DLG2: variants seen among roughly 807,000 people sequenced by gnomAD.
The protein encoded by DLG2 is discs large MAGUK scaffold protein 2, also known as disks large homolog 2.
Under a neutral mutation model 132.5 loss-of-function variants are expected in DLG2, and 45 were observed. The ratio of observed to expected loss-of-function variants is 0.34; its 90% CI spans 0.27 to 0.44. DLG2 has a LOEUF of 0.44. Ranked by LOEUF, DLG2 falls within the 20% of genes least tolerant of loss-of-function variation. DLG2 has a pLI of 1.00. For missense variants in DLG2, 1,045 were observed against 1,196.9 expected (o/e 0.87, Z 1.87); for synonymous variants, 424 against 419.6 (o/e 1.01, Z -0.13).
At chr11:85,571,709 G>A (rs1468414492) in intron 3 of DLG2, among the ~76,000 whole-genome samples, 16 of 152,156 alleles carry the variant, frequency 1.1e-4, no homozygotes, top group Admixed American at 1.0e-3. Context: ...TTATTACGCA[G>A]CTTCTTCCCA....
At chr11:84,670,430 G>C (rs1365643082) in intron 6 of DLG2, among the ~76,000 whole-genome samples, 1 of 152,060 alleles carries the variant, frequency 6.6e-6, no homozygotes, top group African/African-American at 2.4e-5. Flanking sequence ...GTGATATGTT[G>C]CCTCTGCCCA....
chr11:84,518,831 G>C (rs1052702547), intron 7 of DLG2, among the ~76,000 whole-genome samples: 6 of 152,098 alleles, frequency 3.9e-5, no homozygotes, highest in African/African-American at 1.4e-4. Context: ...AGTAGCTCTG[G>C]ATCCAAATCA....
At chr11:83,944,709 C>T (rs1345819458) in intron 14 of DLG2, among the ~76,000 whole-genome samples, 1 of 152,186 alleles carries the variant, frequency 6.6e-6, no homozygotes, top group African/African-American at 2.4e-5. Flanking sequence ...ATTCCAATCA[C>T]AGCTTAGATA....
Position 85,143,900 on chromosome 11 carries a change from G to A in DLG2, c.282+10656C>T, listed in dbSNP as rs186617196. On this transcript the variant is annotated intron_variant, in intron 5 of 27. Transcript: ENST00000376104. ...TGCTGAAAGAAAGAATGTGCATTCTGCAGCTTTTGGATAAAATGTTCTATA... is the reference window on the plus strand; with the variant it reads ...TGCTGAAAGAAAGAATGTGCATTCTACAGCTTTTGGATAAAATGTTCTATA... 4.1e-3 allele frequency among the ~76,000 whole-genome samples: 630 copies of A among 151,934 alleles called. 17 individuals carry two copies. The highest frequency in any genetic ancestry group is 2.1e-3 in the East Asian group (11 of 5,188).
chr11:83,735,904 G>A (rs1239611067), intron 18 of DLG2, among the ~76,000 whole-genome samples: 1 of 152,186 alleles, frequency 6.6e-6, no homozygotes, highest in African/African-American at 2.4e-5. Flanking sequence ...GAAAATTCCA[G>A]TCTCCAGATT....
At chr11:85,207,327 T>C (rs561765498) in intron 4 of DLG2, among the ~76,000 whole-genome samples, 14 of 152,300 alleles carry the variant, frequency 9.2e-5, no homozygotes, top group Admixed American at 9.2e-4. Flanking sequence ...CAGCCTACCT[T>C]CCAGGTATTT....
intron 7 of DLG2, among the ~76,000 whole-genome samples, chr11:84,527,446 A>G (rs1361876925): frequency 1.3e-5 from 2 of 152,124 alleles, no homozygotes; most frequent in African/African-American, 4.8e-5. Context: ...TGCATTGCCT[A>G]CAGATTCTCA....
intron 19 of DLG2, among the ~76,000 whole-genome samples, chr11:83,628,948 A>G (rs2063098405): frequency 6.6e-6 from 1 of 152,204 alleles, no homozygotes; most frequent in South Asian, 2.1e-4. Context: ...AAGTGTTATT[A>G]CTATTTAACA....
At chr11:85,039,471 A>T (rs626275) in intron 6 of DLG2, among the ~76,000 whole-genome samples, 1 of 152,054 alleles carries the variant, frequency 6.6e-6, no homozygotes, top group Middle Eastern at 3.4e-3. Flanking sequence ...CCCTAGTTGT[A>T]TAAGCTTAAG....
intron 7 of DLG2, among the ~76,000 whole-genome samples, chr11:84,500,233 G>C (rs904073654): frequency 6.6e-6 from 1 of 151,916 alleles, no homozygotes; most frequent in African/African-American, 2.4e-5. Context: ...TCTCCTGTGA[G>C]CTCAATTCTC....
At chr11:84,186,110 C>T (rs1013705565) in intron 8 of DLG2, among the ~76,000 whole-genome samples, 5 of 152,128 alleles carry the variant, frequency 3.3e-5, no homozygotes, top group South Asian at 2.1e-4. Context: ...TTGCCTTTCG[C>T]TTTTCAGCAT....
intron 7 of DLG2, among the ~76,000 whole-genome samples, chr11:84,531,052 G>GAAATCC: frequency 6.6e-6 from 1 of 152,112 alleles, no homozygotes. Context: ...GGAGGTAGAG[G>GAAATCC]TTGCAGGGAG....
In DLG2 at chr11:84,794,657, G is replaced by A. The variant is rs534001874; in HGVS notation, c.358-259926C>T. ...AAGCCCCTCTGCCCTTGCAGGCTCC[G>A]AAGTGCCTGCTCCCGCTCCCTGGTC... On this transcript the variant is annotated intron_variant, in intron 6 of 27. Coordinates refer to ENST00000376104, the MANE Select transcript of DLG2 (RefSeq NM_001142699.3). Among the ~76,000 whole-genome samples, 52 of 152,322 alleles carry A rather than the reference G, an allele frequency of 3.4e-4. No individual in the cohort carries two copies. The South Asian group carries it at 7.4e-3, about 22-fold the overall frequency.
At chr11:84,784,812 C>T (rs998375757) in intron 6 of DLG2, among the ~76,000 whole-genome samples, 14 of 151,768 alleles carry the variant, frequency 9.2e-5, no homozygotes, top group Non-Finnish European at 1.2e-4. Flanking sequence ...ATGTGGTGGC[C>T]GTTGGGGAGA....
At chr11:83,748,265 A>G (rs1566808448) in intron 18 of DLG2, among the ~76,000 whole-genome samples, 1 of 152,200 alleles carries the variant, frequency 6.6e-6, no homozygotes, top group Non-Finnish European at 1.5e-5. Context: ...TACAGTTCTA[A>G]CTATCAACCA....
chr11:85,345,335 G>A (rs922421630), intron 3 of DLG2, among the ~76,000 whole-genome samples: 1 of 152,042 alleles, frequency 6.6e-6, no homozygotes, highest in African/African-American at 2.4e-5. Context: ...GAGAACCCCC[G>A]ACTCCCCAAT....
intron 6 of DLG2, among the ~76,000 whole-genome samples, chr11:84,754,829 CAA>C (rs2066646844): frequency 6.6e-6 from 1 of 152,146 alleles, no homozygotes; most frequent in Non-Finnish European, 1.5e-5. Flanking sequence ...TCAATTGTTA[CAA>C]ATTTACCATT....
intron 3 of DLG2, among the ~76,000 whole-genome samples, chr11:85,419,482 T>A (rs2090128029): frequency 6.6e-6 from 1 of 152,212 alleles, no homozygotes; most frequent in Non-Finnish European, 1.5e-5. Context: ...CCTTTCTAGG[T>A]TGGGGAAGTT....
intron 4 of DLG2, among the ~76,000 whole-genome samples, chr11:85,281,422 TA>T: frequency 6.6e-6 from 1 of 152,098 alleles, no homozygotes; most frequent in African/African-American, 2.4e-5. Context: ...CTATCAACCT[TA>T]ATATATACTA....
Sources: allele counts gnomAD v4.1 joint callset (sites outside exome capture counted in the v4.1 genomes callset), GRCh38; gene constraint gnomAD v4.1.1; transcripts MANE v1.5; gene names NCBI Gene and HGNC (gene_info 2026-07-23, HGNC 2026-07-21).